Variants in GSG1L observed in about 807,000 individuals in gnomAD.
GSG1L encodes the protein GSG1 like.
In GSG1L, 24 loss-of-function variants were observed where a neutral mutation model predicts 42.1. That is an observed-to-expected ratio of 0.57 (90% CI 0.41 to 0.80). The LOEUF (loss-of-function observed/expected upper bound fraction) is 0.80. GSG1L is among the 30% of genes least tolerant of loss of function. The probability of loss-of-function intolerance (pLI) is 0.00; values close to 1 mark genes in which losing one functional copy is unlikely to be tolerated. For missense variants in GSG1L, 445 were observed against 472.2 expected, an observed-to-expected ratio of 0.94 and a Z score of 0.53; for synonymous variants, 215 against 203.5, an observed-to-expected ratio of 1.06 and a Z score of -0.48.
In GSG1L at chr16:28,006,607, C is replaced by T. The variant is rs537169114; in HGVS notation, c.350-43404G>A. 3.0e-4 allele frequency among the ~76,000 whole-genome samples: 45 copies of T among 152,248 alleles called. 1 individual carries two copies. Among genetic ancestry groups the T allele is most frequent in the African/African-American group, 1.1e-3 (44 of 41,554 alleles). On this transcript the variant is annotated intron_variant, in intron 1 of 6. Transcript: ENST00000447459. ...TACAGGCATGAGCCACCGCGCCTGC[C>T]CCATGTCACCTTGATTTTAGGTGGG...
chr16:27,950,185 G>C (rs1397321633), intron 2 of GSG1L, among the ~76,000 whole-genome samples: 2 of 152,128 alleles, frequency 1.3e-5, no homozygotes, highest in Non-Finnish European at 2.9e-5. Flanking sequence ...AGCATGCTAA[G>C]ACCACAGAGC....
rs188798448 is a variant in GSG1L, at chr16:28,058,762, C to T, written c.349+4314G>A. Among the ~76,000 whole-genome samples the T allele has an allele frequency of 2.7e-3, 406 of 152,280 alleles. 3 individuals carry two copies. The highest frequency in any genetic ancestry group is 9.5e-3 in the African/African-American group (395 of 41,552). ...ATACTCCCAAGCACCAAAAACCTCC[C>T]GGTTGGGGACATCACAGGGGTCCTC... On this transcript the variant is annotated intron_variant, in intron 1 of 6. Transcript: ENST00000447459.
At chr16:27,939,196 A>C (rs1403927646) in intron 2 of GSG1L, among the ~76,000 whole-genome samples, 5 of 151,942 alleles carry the variant, frequency 3.3e-5, no homozygotes, top group African/African-American at 1.2e-4. Flanking sequence ...ATCATAGTTC[A>C]CTACAGCCAC....
chr16:27,992,629 T>C (rs1019108630), intron 1 of GSG1L, among the ~76,000 whole-genome samples: 1 of 152,226 alleles, frequency 6.6e-6, no homozygotes, highest in African/African-American at 2.4e-5. Context: ...GTGAGCCTCA[T>C]TCTTGGGCCT....
intron 1 of GSG1L, among the ~76,000 whole-genome samples, chr16:28,029,725 G>A (rs1356505553): frequency 6.6e-6 from 1 of 152,092 alleles, no homozygotes; most frequent in Non-Finnish European, 1.5e-5. Context: ...GGTGATGGAT[G>A]TATAATGGAT....
At chr16:27,932,253 A>G (rs59406671) in intron 2 of GSG1L, among the ~76,000 whole-genome samples, 1 of 152,032 alleles carries the variant, frequency 6.6e-6, no homozygotes, top group Non-Finnish European at 1.5e-5. Context: ...GGGTTTCACC[A>G]TGTTGGCCAG....
At chr16:27,803,998 GAAT>G (rs1185663760) in intron 6 of GSG1L, among the ~76,000 whole-genome samples, 4 of 150,230 alleles carry the variant, frequency 2.7e-5, no homozygotes, top group Non-Finnish European at 5.9e-5. Flanking sequence ...ATTGACAGAT[GAAT>G]AATAGATGGA....
chr16:28,058,549 G>T (rs1163541500), intron 1 of GSG1L, among the ~76,000 whole-genome samples: 1 of 149,630 alleles, frequency 6.7e-6, no homozygotes, highest in Non-Finnish European at 1.5e-5. Flanking sequence ...GGATGCCTGA[G>T]CCCAGGAGGT....
At chr16:28,037,595 G>T (rs567312880) in intron 1 of GSG1L, among the ~76,000 whole-genome samples, 1 of 152,268 alleles carries the variant, frequency 6.6e-6, no homozygotes, top group Non-Finnish European at 1.5e-5. Context: ...TCATGCTCTG[G>T]TTTGGGGAAA....
At chr16:27,910,535 G>C (rs2084376016) in intron 2 of GSG1L, among the ~76,000 whole-genome samples, 2 of 152,182 alleles carry the variant, frequency 1.3e-5, no homozygotes, top group Non-Finnish European at 2.9e-5. Context: ...GCAAGACCAA[G>C]GTTTGAACCA....
chr16:28,061,867 G>A (rs539821247), intron 1 of GSG1L, among the ~76,000 whole-genome samples: 2 of 152,294 alleles, frequency 1.3e-5, no homozygotes, highest in Non-Finnish European at 2.9e-5. Flanking sequence ...GAGGTGGGGC[G>A]GGGAAGGGCA....
intron 3 of GSG1L, chr16:27,850,411 G>C: frequency 2.3e-6 from 1 of 429,194 alleles, no homozygotes; most frequent in Non-Finnish European, 4.7e-6. Flanking sequence ...AGTCAGAACC[G>C]GAGACTTAAA....
chr16:27,893,597 T>C (rs2084155704), intron 2 of GSG1L, among the ~76,000 whole-genome samples: 1 of 152,224 alleles, frequency 6.6e-6, no homozygotes, highest in Admixed American at 6.5e-5. Flanking sequence ...TTTTTATTTT[T>C]TTAGAGACAA....
rs758579770 is a variant in GSG1L, at chr16:27,869,965, TTCTC to T, written c.550+14517_550+14520del. Among the ~76,000 whole-genome samples the T allele has an allele frequency of 3.0e-3, 298 of 100,122 alleles. 2 individuals carry two copies. Among genetic ancestry groups the T allele is most frequent in the Non-Finnish European group, 3.8e-3 (185 of 48,108 alleles). The allele number at this position is 100,122 out of a possible 152,430, so 65.7% of individuals were successfully genotyped here. On this transcript the variant is annotated intron_variant, in intron 3 of 6. Coordinates refer to ENST00000447459, the MANE Select transcript of GSG1L (RefSeq NM_001109763.2). ...TGTCTCCCTCCATCTCTCTCTCTCCTTCTCTCTCTCTCTCTGTCTCTGCCTCTGT... is the reference window on the plus strand; with the variant it reads ...TGTCTCCCTCCATCTCTCTCTCTCCTTCTCTCTCTCTGTCTCTGCCTCTGT...
intron 2 of GSG1L, among the ~76,000 whole-genome samples, chr16:27,921,620 C>T (rs2084525171): frequency 6.6e-6 from 1 of 152,206 alleles, no homozygotes; most frequent in African/African-American, 2.4e-5. Context: ...CCCTCCAAAA[C>T]TCCTACTCAT....
intron 3 of GSG1L, among the ~76,000 whole-genome samples, chr16:27,883,748 T>C (rs1350315298): frequency 6.6e-6 from 1 of 152,238 alleles, no homozygotes; most frequent in Admixed American, 6.5e-5. Context: ...GCTTCCTTTA[T>C]TCCCTTCCTG....
chr16:27,990,579 G>A (rs745388895), intron 1 of GSG1L, among the ~76,000 whole-genome samples: 9 of 152,134 alleles, frequency 5.9e-5, no homozygotes, highest in Non-Finnish European at 1.2e-4. Context: ...CAAGATTCCT[G>A]ACCTGTGATA....
At chr16:28,018,199 C>A (rs2085801589) in intron 1 of GSG1L, among the ~76,000 whole-genome samples, 1 of 152,146 alleles carries the variant, frequency 6.6e-6, no homozygotes, top group Admixed American at 6.5e-5. Context: ...AGTAATGCAA[C>A]TTTTGGCTGT....
At chr16:27,873,033 G>A (rs2083842080) in intron 3 of GSG1L, among the ~76,000 whole-genome samples, 1 of 152,146 alleles carries the variant, frequency 6.6e-6, no homozygotes, top group Non-Finnish European at 1.5e-5. Context: ...GACTTGCCCT[G>A]AATTCTTTCT....
Sources: gnomAD v4.1 joint callset for allele counts (sites outside exome capture counted in the v4.1 genomes callset) on GRCh38, gnomAD v4.1.1 for gene constraint, MANE v1.5 for transcripts, NCBI Gene and HGNC (gene_info 2026-07-23, HGNC 2026-07-21) for gene names.